DESI2: variants seen among roughly 807,000 people sequenced by gnomAD.
The protein encoded by DESI2 is deubiquitinase DESI2.
A neutral mutation model predicts 24.1 loss-of-function variants in DESI2; 10 were observed. The ratio of observed to expected loss-of-function variants is 0.41; its 90% CI spans 0.26 to 0.70. The LOEUF is 0.70. DESI2 is among the 30% of genes least tolerant of loss of function. The probability of loss-of-function intolerance (pLI) is 0.29; values close to 1 mark genes in which losing one functional copy is unlikely to be tolerated. For synonymous variants in DESI2, 71 were observed against 87.7 expected (o/e 0.81, Z 1.06); for missense variants, 122 against 234.9 (o/e 0.52, Z 3.14).
At chr1:244,663,881 G>A (rs951469996) in intron 1 of DESI2, among the ~76,000 whole-genome samples, 15 of 152,186 alleles carry the variant, frequency 9.9e-5, no homozygotes, top group Admixed American at 4.6e-4. Flanking sequence ...AGCCAGGCGT[G>A]GTGGCGGGCG....
intron 1 of DESI2, among the ~76,000 whole-genome samples, chr1:244,672,416 C>T (rs750745760): frequency 3.3e-5 from 5 of 152,130 alleles, no homozygotes; most frequent in Admixed American, 6.5e-5. Flanking sequence ...CTGAGACCCT[C>T]GCCAAAAACA....
At chr1:244,674,018 G>A (rs58117217) in intron 1 of DESI2, among the ~76,000 whole-genome samples, 97 of 135,110 alleles carry the variant, frequency 7.2e-4, no homozygotes, top group African/African-American at 2.5e-3. Context: ...TTTTTGAGAC[G>A]GAGTCTTGCT....
chr1:244,679,881 A>G (rs1676545632), intron 1 of DESI2, among the ~76,000 whole-genome samples: 1 of 151,088 alleles, frequency 6.6e-6, no homozygotes, highest in Non-Finnish European at 1.5e-5. Context: ...AAAAAAAAAA[A>G]AAAAAAAAAA....
chr1:244,658,511 C>T (rs959615080), intron 1 of DESI2, among the ~76,000 whole-genome samples: 1 of 152,150 alleles, frequency 6.6e-6, no homozygotes, highest in Non-Finnish European at 1.5e-5. Flanking sequence ...TCCATTACTG[C>T]GTATACTATC....
At chr1:244,695,011 A>G (rs1273880929) in intron 4 of DESI2, among the ~76,000 whole-genome samples, 3 of 152,236 alleles carry the variant, frequency 2.0e-5, no homozygotes, top group African/African-American at 4.8e-5. Context: ...GGCAGGCTCC[A>G]TTCCAATGTG....
chr1:244,707,209 G>A lies in DESI2; in HGVS notation c.*1420G>A, dbSNP rs1265233114. The A allele has an allele frequency of 6.6e-6, 1 of 152,502 alleles. No individual in the cohort carries two copies. The highest frequency in any genetic ancestry group is 1.5e-5 in the Non-Finnish European group (1 of 68,018). The allele number at this position is 152,502 out of a possible 1,614,324, so 9.4% of individuals were successfully genotyped here. On this transcript the variant is annotated 3_prime_UTR_variant, in exon 5 of 5. Coordinates refer to ENST00000302550, the MANE Select transcript of DESI2 (RefSeq NM_016076.5). Reference sequence around the variant, plus strand: ...TGACATTTATTTAAACTTTTAGATTGGATTGTTTGCTATTGCTCTGTGTGA... The same window carrying A: ...TGACATTTATTTAAACTTTTAGATTAGATTGTTTGCTATTGCTCTGTGTGA...
chr1:244,676,252 A>G (rs1226997777), intron 1 of DESI2, among the ~76,000 whole-genome samples: 2 of 151,280 alleles, frequency 1.3e-5, no homozygotes, highest in Non-Finnish European at 2.9e-5. Context: ...CATTTTTTGT[A>G]TTTTCAGTAG....
chr1:244,705,467 GCCC>G, intron 4 of DESI2, 86 bp from the exon 5 acceptor site: 2 of 1,102,754 alleles, frequency 1.8e-6, no homozygotes, highest in Non-Finnish European at 2.7e-6. Flanking sequence ...TCTGTACGCC[GCCC>G]CCCTCCTCCC....
In DESI2 at chr1:244,689,347, G is replaced by T; in HGVS notation, c.209+5G>T. The T allele has an allele frequency of 7.4e-7, 1 of 1,357,716 alleles. No homozygotes were observed. Among genetic ancestry groups the T allele is most frequent in the Non-Finnish European group, 1.1e-6 (1 of 947,334 alleles). The allele number at this position is 1,357,716 out of a possible 1,614,324, so 84.1% of individuals were successfully genotyped here. A position where few individuals can be genotyped will look rare whatever the true frequency, so the allele number is the denominator to read the frequency against. ...AGGAGAAACATTTAAATTTAAGTAAGTAGGGAGGATAATTTTTATTACACT... is the reference window on the plus strand; with the variant it reads ...AGGAGAAACATTTAAATTTAAGTAATTAGGGAGGATAATTTTTATTACACT... On this transcript the variant is annotated splice_donor_5th_base_variant and intron_variant, in intron 3 of 4. Coordinates refer to ENST00000302550, the MANE Select transcript of DESI2 (RefSeq NM_016076.5). This position sits in a 1 kb window ranked among gnomAD's most constrained non-coding sequence, Gnocchi z 4.0.
chr1:244,670,183 C>G (rs1231362623), intron 1 of DESI2, among the ~76,000 whole-genome samples: 1 of 152,202 alleles, frequency 6.6e-6, no homozygotes, highest in South Asian at 2.1e-4. Context: ...TCTTGAACTC[C>G]TGACCGCAAG....
chr1:244,690,948 G>A (rs756867519), intron 3 of DESI2, among the ~76,000 whole-genome samples: 3 of 152,102 alleles, frequency 2.0e-5, no homozygotes, highest in African/African-American at 7.2e-5. Context: ...CCACTCCTTC[G>A]GGCTCTCTTT....
intron 1 of DESI2, among the ~76,000 whole-genome samples, chr1:244,663,791 G>C (rs1382909530): frequency 6.6e-6 from 1 of 151,906 alleles, no homozygotes; most frequent in Admixed American, 6.6e-5. Context: ...GGCCAAGGTG[G>C]ACGGATCATG....
At chr1:244,653,567 T>C in intron 1 of DESI2, 1 of 542,812 alleles carries the variant, frequency 1.8e-6, no homozygotes, top group Non-Finnish European at 3.1e-6. Context: ...CCGAGGGTTT[T>C]GGCCAAAGCT....
intron 1 of DESI2, among the ~76,000 whole-genome samples, chr1:244,670,866 T>C (rs556997983): frequency 6.6e-6 from 1 of 152,350 alleles, no homozygotes; most frequent in African/African-American, 2.4e-5. Flanking sequence ...ATGCTTCAAT[T>C]TGTGTTAGTT....
At chr1:244,667,600 A>T (rs1282760255) in intron 1 of DESI2, among the ~76,000 whole-genome samples, 1 of 152,226 alleles carries the variant, frequency 6.6e-6, no homozygotes, top group East Asian at 1.9e-4. Flanking sequence ...ATACAAATCC[A>T]TGCATCCTGA....
intron 2 of DESI2, among the ~76,000 whole-genome samples, chr1:244,688,030 T>TTC (rs1676883615): frequency 1.3e-5 from 2 of 152,230 alleles, no homozygotes; most frequent in East Asian, 1.9e-4. Flanking sequence ...TAACTCAAAC[T>TTC]TGAACCCAAA....
chr1:244,701,201 C>A, intron 4 of DESI2, among the ~76,000 whole-genome samples: 2 of 84,126 alleles, frequency 2.4e-5, no homozygotes, highest in African/African-American at 6.3e-5. Flanking sequence ...CATGACTGGA[C>A]CACCTTCCCC....
intron 4 of DESI2, 89 bp from the exon 5 acceptor site, chr1:244,705,467 G>T: frequency 1.8e-6 from 2 of 1,102,756 alleles, no homozygotes; most frequent in Non-Finnish European, 1.4e-6. Context: ...TCTGTACGCC[G>T]CCCCCCTCCT....
At chr1:244,701,930 G>A (rs1370475709) in intron 4 of DESI2, among the ~76,000 whole-genome samples, 1 of 152,126 alleles carries the variant, frequency 6.6e-6, no homozygotes, top group Admixed American at 6.6e-5. Context: ...GAATAACCCT[G>A]TACATACATC....
Sources: allele counts gnomAD v4.1 joint callset (sites outside exome capture counted in the v4.1 genomes callset), GRCh38; gene constraint gnomAD v4.1.1; non-coding constraint Gnocchi (gnomAD v3.1); transcripts MANE v1.5; gene names NCBI Gene and HGNC (gene_info 2026-07-23, HGNC 2026-07-21).